Variants in FAM20B observed in about 807,000 individuals in gnomAD.
FAM20B encodes FAM20B glycosaminoglycan xylosylkinase.
Under a neutral mutation model 43.8 loss-of-function variants are expected in FAM20B, and 23 were observed. The observed-to-expected ratio is 0.53, with a 90% CI of 0.38 to 0.74. The LOEUF (loss-of-function observed/expected upper bound fraction) is 0.74. FAM20B is among the 30% of genes least tolerant of loss of function. The pLI is 0.00. For synonymous variants in FAM20B, 178 were observed against 192.4 expected (o/e 0.93, Z 0.62); for missense variants, 440 against 510.5 (o/e 0.86, Z 1.33).
chr1:179,037,944 G>A (rs892684372), intron 1 of FAM20B, among the ~76,000 whole-genome samples: 3 of 151,730 alleles, frequency 2.0e-5, no homozygotes, highest in Admixed American at 2.0e-4. Flanking sequence ...GGATTGGACC[G>A]TTTTTCTTAT....
At position 179,074,407 on chromosome 1, in the gene FAM20B, C is replaced by G. The variant is rs1652056456; in HGVS notation, c.*2263C>G. 1.3e-5 allele frequency: 2 copies of G among 152,628 alleles called. No individual in the cohort carries two copies. The highest frequency in any genetic ancestry group is 4.8e-5 in the African/African-American group (2 of 41,452). 9.5% of individuals were successfully genotyped at this position (152,628 alleles called of 1,614,324 possible). On this transcript the variant is annotated 3_prime_UTR_variant, in exon 8 of 8. Transcript: ENST00000263733. ...GAGACAATAGGAAGAGATGTCATCT[C>G]TGCTCTCCCTGTAAATGTTAGTTGA...
rs1183869406 is a variant in FAM20B at position 179,073,443 on chromosome 1, G to T, written c.*1299G>T. The T allele has an allele frequency of 6.6e-6, 1 of 152,266 alleles. No homozygotes were observed. Among genetic ancestry groups the T allele is most frequent in the Non-Finnish European group, 1.5e-5 (1 of 68,092 alleles). 9.4% of individuals were successfully genotyped at this position (152,266 alleles called of 1,614,324 possible). On this transcript the variant is annotated 3_prime_UTR_variant, in exon 8 of 8. Transcript: ENST00000263733. ...CGATTCTCTTGCCTCAGCCTCCAGA[G>T]TAGCTGGGATTACAGGCGCCCGCCA...
intron 1 of FAM20B, among the ~76,000 whole-genome samples, chr1:179,041,623 A>AC (rs1257756200): frequency 3.4e-5 from 5 of 149,132 alleles, no homozygotes; most frequent in African/African-American, 1.0e-4. Context: ...GTGGAAAGAG[A>AC]GGGAGAGGGA....
intron 4 of FAM20B, among the ~76,000 whole-genome samples, chr1:179,057,665 T>C (rs1651283770): frequency 1.3e-5 from 2 of 152,238 alleles, no homozygotes; most frequent in Admixed American, 1.3e-4. Flanking sequence ...CTAAAATCTT[T>C]CATTAGCTTA....
chr1:179,052,841 A>G (rs577314234), intron 3 of FAM20B, among the ~76,000 whole-genome samples: 3 of 151,976 alleles, frequency 2.0e-5, no homozygotes, highest in African/African-American at 7.2e-5. Context: ...TTCGTCCCCA[A>G]CTCCCTTCTT....
intron 4 of FAM20B, among the ~76,000 whole-genome samples, chr1:179,057,939 T>TA (rs367828621): frequency 5.9e-5 from 9 of 152,308 alleles, no homozygotes; most frequent in South Asian, 4.1e-4. Flanking sequence ...CTTAGGTAGA[T>TA]ACAGTGGGAA....
chr1:179,038,727 G>C (rs1189924423), intron 1 of FAM20B, among the ~76,000 whole-genome samples: 1 of 152,164 alleles, frequency 6.6e-6, no homozygotes, highest in African/African-American at 2.4e-5. Context: ...GTAATCACAG[G>C]GAACTGTTTT....
intron 1 of FAM20B, among the ~76,000 whole-genome samples, chr1:179,040,484 G>C (rs1488029635): frequency 6.9e-6 from 1 of 145,290 alleles, no homozygotes; most frequent in Non-Finnish European, 1.5e-5. Context: ...TAGCCGGGCG[G>C]GGGGCTGACC....
chr1:179,036,793 T>C (rs1410820014), intron 1 of FAM20B, among the ~76,000 whole-genome samples: 1 of 152,058 alleles, frequency 6.6e-6, no homozygotes, highest in Non-Finnish European at 1.5e-5. Context: ...CGAATGTAGT[T>C]AAGTACTGGC....
chr1:179,066,926 T>A lies in FAM20B; in HGVS notation c.998+67T>A. On this transcript the variant is annotated intron_variant, in intron 7 of 7. Coordinates refer to ENST00000263733, the MANE Select transcript of FAM20B (RefSeq NM_014864.4). ...TTTTCCAGGCTCAGGTAACAGTACA[T>A]CCATTTTCTTGGCCCTCAAACTTTC... The A allele has an allele frequency of 4.3e-6, 5 of 1,172,474 alleles. No individual in the cohort carries two copies. In the South Asian group the frequency reaches 6.2e-5, roughly 15 times the overall value. The allele number at this position is 1,172,474 out of a possible 1,614,324, so 72.6% of individuals were successfully genotyped here. A position where few individuals can be genotyped will look rare whatever the true frequency, so the allele number is the denominator to read the frequency against.
intron 4 of FAM20B, among the ~76,000 whole-genome samples, chr1:179,061,076 A>ATTTTTTTTT (rs67897742): frequency 7.9e-6 from 1 of 126,288 alleles, no homozygotes; most frequent in Non-Finnish European, 1.6e-5. Context: ...TCTTTGTCGA[A>ATTTTTTTTT]TTTTTTTTTT....
intron 7 of FAM20B, among the ~76,000 whole-genome samples, chr1:179,070,081 T>G (rs1396045594): frequency 6.6e-6 from 1 of 152,220 alleles, no homozygotes; most frequent in Non-Finnish European, 1.5e-5. Context: ...AGTCTCGCTC[T>G]GTTGCCCAGG....
Position 179,032,179 on chromosome 1 carries a change from A to G in FAM20B, c.-134+6081A>G, listed in dbSNP as rs74949665. Among the ~76,000 whole-genome samples the G allele has an allele frequency of 2.7e-3, 405 of 152,250 alleles. 2 individuals are homozygous for G. The highest frequency in any genetic ancestry group is 9.3e-3 in the African/African-American group (388 of 41,544). ...ACAACATTATGGTATATTGATTCCAATGAGGGTTTTCTTTGTCATTTTTCT... is the reference window on the plus strand; with the variant it reads ...ACAACATTATGGTATATTGATTCCAGTGAGGGTTTTCTTTGTCATTTTTCT... On this transcript the variant is annotated intron_variant, in intron 1 of 7. Transcript: ENST00000263733.
intron 3 of FAM20B, among the ~76,000 whole-genome samples, chr1:179,053,744 G>A (rs1030404067): frequency 6.6e-6 from 1 of 152,170 alleles, no homozygotes; most frequent in Non-Finnish European, 1.5e-5. Flanking sequence ...ACAATGATGA[G>A]TACAAAGCAA....
At position 179,076,515 on chromosome 1, in the gene FAM20B, A is replaced by G. The variant is rs1359023536; in HGVS notation, c.*4371A>G. The stretch of plus-strand genomic sequence containing the variant: ...TGGATCTAAATTTCTAATGTGTTCT[A>G]TGGGTTTCAATTCTGAAAAAAGAAA... On this transcript the variant is annotated 3_prime_UTR_variant, in exon 8 of 8. Coordinates refer to ENST00000263733, the MANE Select transcript of FAM20B (RefSeq NM_014864.4). 1 of 152,568 alleles carries G rather than the reference A, an allele frequency of 6.6e-6. No individual in the cohort carries two copies. Among genetic ancestry groups the G allele is most frequent in the African/African-American group, 2.4e-5 (1 of 41,420 alleles). The allele number at this position is 152,568 out of a possible 1,614,324, so 9.5% of individuals were successfully genotyped here.
At chr1:179,035,608 G>C (rs982317085) in intron 1 of FAM20B, 1 of 504,998 alleles carries the variant, frequency 2.0e-6, no homozygotes, top group Non-Finnish European at 3.6e-6. Context: ...GCACGTAACT[G>C]TGGCCCTTTT....
chr1:179,024,316 G>A (rs1209212778), upstream of FAM20B, among the ~76,000 whole-genome samples: 1 of 152,206 alleles, frequency 6.6e-6, no homozygotes, highest in Non-Finnish European at 1.5e-5. Flanking sequence ...GCCTTTTCCT[G>A]AACAGTGACA....
chr1:179,066,694 T>C, intron 6 of FAM20B, 106 bp from the exon 7 acceptor site: 1 of 772,570 alleles, frequency 1.3e-6, no homozygotes, highest in Non-Finnish European at 2.2e-6. Flanking sequence ...GAGCGTGAAA[T>C]TATCTAGGAT....
chr1:179,019,785 A>G, the FAM20B span, among the ~76,000 whole-genome samples: 1 of 152,142 alleles, frequency 6.6e-6, no homozygotes, highest in Non-Finnish European at 1.5e-5. Flanking sequence ...GTGCATTGCC[A>G]TGGTGAAAAT....
Sources: allele counts gnomAD v4.1 joint callset (sites outside exome capture counted in the v4.1 genomes callset), GRCh38; gene constraint gnomAD v4.1.1; transcripts MANE v1.5; gene names NCBI Gene and HGNC (gene_info 2026-07-23, HGNC 2026-07-21).